The following KIR2DL3 variants were observed in gnomAD, a reference collection of about 807,000 sequenced individuals.
The protein encoded by KIR2DL3 is killer cell immunoglobulin like receptor, two Ig domains and long cytoplasmic tail 3.
A neutral mutation model predicts 33.8 loss-of-function variants in KIR2DL3; 39 were observed. The ratio of observed to expected loss-of-function variants is 1.15; its 90% CI spans 0.89 to 1.51. The LOEUF (loss-of-function observed/expected upper bound fraction) is 1.51, where lower values mean the gene tolerates loss of function less well. Among genes scored for constraint, KIR2DL3 ranks in the 40% most tolerant of loss-of-function variants. The probability of loss-of-function intolerance (pLI) is 0.00; values close to 1 mark genes in which losing one functional copy is unlikely to be tolerated. For synonymous variants in KIR2DL3, 174 were observed against 160.2 expected (o/e 1.09, Z -0.65); for missense variants, 462 against 426.2 (o/e 1.08, Z -0.74).
intron 3 of KIR2DL3, among the ~76,000 whole-genome samples, chr19:54,743,154 G>A (rs1387370708): frequency 1.3e-5 from 2 of 151,784 alleles, no homozygotes; most frequent in Non-Finnish European, 2.9e-5. Flanking sequence ...GATGATAGAT[G>A]GATAGATATA....
rs751671943 is a variant in KIR2DL3 at position 54,742,318 on chromosome 19, A to C, written c.370+39A>C. On this transcript the variant is annotated intron_variant, in intron 3 of 7. Transcript: ENST00000342376. The stretch of plus-strand genomic sequence containing the variant: ...GACATTCTCATTGTCATTGGGATGC[A>C]GAGTGAATGATCCACGACTTGGAAC... The C allele has an allele frequency of 1.7e-5, 28 of 1,609,670 alleles. 1 individual carries two copies. In the Admixed American group the frequency reaches 4.7e-4, roughly 27 times the overall value.
rs199625806 is a variant in KIR2DL3, at chr19:54,743,930, G to A, written c.506G>A (p.Arg169His). 5.6e-6 allele frequency: 9 copies of A among 1,614,104 alleles called. No individual in the cohort carries two copies. The highest frequency in any genetic ancestry group is 1.7e-5 in the Admixed American group (1 of 60,022). ...TCCAGGGAGGGGGAGGCCCATGAACGTAGGTTCTCTGCAGGGCCCAAGGTC... is the reference window on the plus strand; with the variant it reads ...TCCAGGGAGGGGGAGGCCCATGAACATAGGTTCTCTGCAGGGCCCAAGGTC... ...HLSREGEAHE[R>H]RFSAGPKVNG... Residue 169 changes from arginine to histidine, a missense_variant, in exon 4 of 8, where the codon CGT becomes CAT. Arg to His is a conservative substitution (Grantham distance 29). Coordinates refer to ENST00000342376, the MANE Select transcript of KIR2DL3 (RefSeq NM_015868.3).
intron 1 of KIR2DL3, 128 bp downstream of exon 1, chr19:54,738,707 T>A: frequency 5.1e-6 from 4 of 778,324 alleles, no homozygotes; most frequent in Non-Finnish European, 7.1e-6. Flanking sequence ...AGTGGAGATC[T>A]GGGCCTGGAG....
intron 5 of KIR2DL3, among the ~76,000 whole-genome samples, chr19:54,749,404 A>T (rs1288393226): frequency 8.1e-6 from 1 of 123,818 alleles, no homozygotes; most frequent in African/African-American, 2.8e-5. Context: ...ACACTAAATG[A>T]ATGAAGTAGA....
rs539527770 is a variant in KIR2DL3 at position 54,752,943 on chromosome 19, C to T, written c.*424C>T. 10 of 251,762 alleles carry T rather than the reference C, an allele frequency of 4.0e-5. No homozygotes were observed. The East Asian group carries it at 6.5e-4, about 16-fold the overall frequency. The allele number at this position is 251,762 out of a possible 1,614,324, so 15.6% of individuals were successfully genotyped here. ...TGTTCCACCTTCCCTCATGCTGTTCCACCTCCCCTCAGACTAGCTTTCAGC... is the reference window on the plus strand; with the variant it reads ...TGTTCCACCTTCCCTCATGCTGTTCTACCTCCCCTCAGACTAGCTTTCAGC... On this transcript the variant is annotated 3_prime_UTR_variant, in exon 8 of 8. Transcript: ENST00000342376.
At chr19:54,744,947 TA>T (rs1568970745) in intron 4 of KIR2DL3, among the ~76,000 whole-genome samples, 30 of 29,354 alleles carry the variant, frequency 1.0e-3, no homozygotes, top group Middle Eastern at 0.016. Flanking sequence ...TATATATATA[TA>T]TATATATTTT....
intron 5 of KIR2DL3, 145 bp from the exon 6 acceptor site, chr19:54,751,504 C>T: frequency 1.4e-6 from 1 of 701,812 alleles, no homozygotes; most frequent in East Asian, 2.5e-5. Context: ...ACTGAGAAAG[C>T]AGGAGAAAGC....
chr19:54,749,387 G>A (rs1457496150), intron 5 of KIR2DL3, among the ~76,000 whole-genome samples: 1 of 135,638 alleles, frequency 7.4e-6, no homozygotes, highest in Admixed American at 7.5e-5. Flanking sequence ...ATGTGGTGCT[G>A]ATTTAGACAC....
chr19:54,742,516 A>C (rs2071365060), intron 3 of KIR2DL3, among the ~76,000 whole-genome samples: 1 of 152,090 alleles, frequency 6.6e-6, no homozygotes, highest in Non-Finnish European at 1.5e-5. Context: ...GAAAGAGTTA[A>C]AAGAGACAGA....
intron 2 of KIR2DL3, 45 bp downstream of exon 2, chr19:54,739,587 A>T: frequency 6.2e-7 from 1 of 1,613,848 alleles, no homozygotes; most frequent in South Asian, 1.1e-5. Context: ...CCCACATAAG[A>T]GGATTTTCCT....
chr19:54,738,603 G>A (rs766313083), intron 1 of KIR2DL3, 24 bp downstream of exon 1: 1 of 1,614,026 alleles, frequency 6.2e-7, no homozygotes, highest in East Asian at 2.2e-5. Context: ...GGGCATCGAG[G>A]GAGGGAGTGC....
At chr19:54,738,699 TGGAGATCTGGGCCTGGAG>T in intron 1 of KIR2DL3, 120 bp downstream of exon 1, 1 of 812,164 alleles carries the variant, frequency 1.2e-6, no homozygotes. Context: ...GGCCTAGAAG[TGGAGATCTGGGCCTGGAG>T]TGGAGATCTG....
chr19:54,744,548 G>A (rs1328670014), intron 4 of KIR2DL3, among the ~76,000 whole-genome samples: 2 of 149,476 alleles, frequency 1.3e-5, no homozygotes, highest in Admixed American at 6.6e-5. Flanking sequence ...TTTTTTTGAG[G>A]CAGAGTCTAG....
intron 5 of KIR2DL3, among the ~76,000 whole-genome samples, chr19:54,750,877 G>A (rs181252160): frequency 7.5e-6 from 1 of 133,254 alleles, no homozygotes; most frequent in African/African-American, 2.8e-5. Context: ...CCAGAGAGCA[G>A]CCCAGCCTGG....
chr19:54,746,785 T>C (rs1280286859), intron 4 of KIR2DL3, among the ~76,000 whole-genome samples: 2 of 149,874 alleles, frequency 1.3e-5, no homozygotes, highest in African/African-American at 2.5e-5. Context: ...GAGTTCAAGA[T>C]TAGTCTGGCC....
At chr19:54,744,772 G>T (rs773420112) in intron 4 of KIR2DL3, among the ~76,000 whole-genome samples, 1 of 149,492 alleles carries the variant, frequency 6.7e-6, no homozygotes, top group Non-Finnish European at 1.5e-5. Context: ...TGATCCACCC[G>T]CATCTGCCTC....
chr19:54,747,459 C>T, intron 5 of KIR2DL3, 74 bp downstream of exon 5: 4 of 1,508,674 alleles, frequency 2.7e-6, no homozygotes, highest in African/African-American at 2.7e-5. Flanking sequence ...GGCATTGACT[C>T]AGCATCTCGC....
chr19:54,744,326 A>T (rs575365525), intron 4 of KIR2DL3, among the ~76,000 whole-genome samples: 1 of 151,978 alleles, frequency 6.6e-6, no homozygotes, highest in Non-Finnish European at 1.5e-5. Context: ...AACGGTCAGG[A>T]GAGACCCAGA....
At chr19:54,749,694 C>T (rs2073132753) in intron 5 of KIR2DL3, among the ~76,000 whole-genome samples, 2 of 70,488 alleles carry the variant, frequency 2.8e-5, no homozygotes, top group South Asian at 1.1e-3. Flanking sequence ...GTCAGGAGTT[C>T]CAGACCAGCC....
Sources: gnomAD v4.1 joint callset for allele counts (sites outside exome capture counted in the v4.1 genomes callset) on GRCh38, gnomAD v4.1.1 for gene constraint, MANE v1.5 for transcripts, NCBI Gene and HGNC (gene_info 2026-07-23, HGNC 2026-07-21) for gene names.